The following SH3RF3 variants were observed in gnomAD, a reference collection of about 807,000 sequenced individuals.
SH3RF3 encodes the protein E3 ubiquitin-protein ligase SH3RF3.
A neutral mutation model predicts 66.3 loss-of-function variants in SH3RF3; 29 were observed. The observed-to-expected ratio is 0.44, with a 90% CI of 0.33 to 0.60. SH3RF3 has a LOEUF of 0.60. Among genes scored for constraint, SH3RF3 ranks in the 20% least tolerant of loss-of-function variants. SH3RF3 has a pLI of 0.04. For missense variants in SH3RF3, 1,194 were observed against 1,190.9 expected (o/e 1.00, Z -0.04); for synonymous variants, 583 against 532.0 (o/e 1.10, Z -1.32).
At chr2:109,267,034 T>C (rs1680512821) in intron 1 of SH3RF3, among the ~76,000 whole-genome samples, 1 of 152,046 alleles carries the variant, frequency 6.6e-6, no homozygotes, top group Non-Finnish European at 1.5e-5. Flanking sequence ...CAGACAGAGG[T>C]GGATAAAAGC....
rs115198804 is a variant in SH3RF3, at chr2:109,372,764, A to C, written c.945+1083A>C. Among the ~76,000 whole-genome samples, 250 of 152,238 alleles carry C rather than the reference A, an allele frequency of 1.6e-3. 3 individuals carry two copies. The highest frequency in any genetic ancestry group is 5.9e-3 in the African/African-American group (246 of 41,564). ...CTGGCTAATGAACTGCAGTTTACTC[A>C]GCTCAGTGCTGGGCTCCATGTGTCC... On this transcript the variant is annotated intron_variant, in intron 3 of 9. Transcript: ENST00000309415.
chr2:109,491,251 G>A (rs969123926), intron 9 of SH3RF3, among the ~76,000 whole-genome samples: 3 of 152,298 alleles, frequency 2.0e-5, no homozygotes, highest in East Asian at 1.9e-4. Context: ...TGAGTGGTCT[G>A]TGCCCCCTCA....
intron 1 of SH3RF3, among the ~76,000 whole-genome samples, chr2:109,207,527 A>G (rs963482923): frequency 3.9e-5 from 6 of 152,214 alleles, no homozygotes; most frequent in Non-Finnish European, 7.3e-5. Flanking sequence ...ATGGAATTTC[A>G]TGGTAAAACA....
At chr2:109,351,414 C>G (rs1682834639) in intron 2 of SH3RF3, among the ~76,000 whole-genome samples, 1 of 152,178 alleles carries the variant, frequency 6.6e-6, no homozygotes, top group Non-Finnish European at 1.5e-5. Context: ...ATTGTGGAGC[C>G]TAGGGCTGGG....
At chr2:109,249,759 C>A (rs1680039509) in intron 1 of SH3RF3, among the ~76,000 whole-genome samples, 1 of 151,814 alleles carries the variant, frequency 6.6e-6, no homozygotes, top group Non-Finnish European at 1.5e-5. Context: ...CAGGTTCACG[C>A]CATTCTCCTG....
chr2:109,170,261 TCTC>T (rs1677736042), intron 1 of SH3RF3, among the ~76,000 whole-genome samples: 4 of 55,190 alleles, frequency 7.2e-5, no homozygotes, highest in African/African-American at 2.1e-4. Flanking sequence ...TCTCTTCTCT[TCTC>T]TTCTCTTCTC....
chr2:109,503,535 G>A lies in SH3RF3; in HGVS notation c.*1864G>A, dbSNP rs530176600. 1 of 152,272 alleles carries A rather than the reference G, an allele frequency of 6.6e-6. No individual in the cohort carries two copies. The highest frequency in any genetic ancestry group is 2.4e-5 in the African/African-American group (1 of 41,550). The allele number at this position is 152,272 out of a possible 1,614,324, so 9.4% of individuals were successfully genotyped here. ...CTGGCTTAAACATAGTAACTTCTGT[G>A]TGCCAGGTTAATGACAACCAAAAGC... On this transcript the variant is annotated 3_prime_UTR_variant, in exon 10 of 10. Coordinates refer to ENST00000309415, the MANE Select transcript of SH3RF3 (RefSeq NM_001099289.3).
chr2:109,458,160 C>G (rs1351070832), intron 8 of SH3RF3, among the ~76,000 whole-genome samples: 1 of 152,200 alleles, frequency 6.6e-6, no homozygotes, highest in Non-Finnish European at 1.5e-5. Flanking sequence ...GGTTTTTATT[C>G]ACCTGATAAG....
chr2:109,159,912 A>G (rs1677446590), intron 1 of SH3RF3, among the ~76,000 whole-genome samples: 1 of 152,192 alleles, frequency 6.6e-6, no homozygotes, highest in South Asian at 2.1e-4. Flanking sequence ...AACTGATTCT[A>G]CATTATGGTG....
chr2:109,209,253 G>A (rs1050268363), intron 1 of SH3RF3, among the ~76,000 whole-genome samples: 3 of 152,186 alleles, frequency 2.0e-5, no homozygotes, highest in Non-Finnish European at 4.4e-5. Context: ...AAACTGAGAG[G>A]TCATCACATT....
intron 1 of SH3RF3, among the ~76,000 whole-genome samples, chr2:109,247,374 C>T (rs1289546132): frequency 6.6e-6 from 1 of 152,188 alleles, no homozygotes; most frequent in Non-Finnish European, 1.5e-5. Flanking sequence ...AGTTTACTTC[C>T]TAAGTAACCT....
At chr2:109,251,925 CA>C (rs1444736378) in intron 1 of SH3RF3, among the ~76,000 whole-genome samples, 1 of 152,002 alleles carries the variant, frequency 6.6e-6, no homozygotes, top group Admixed American at 6.6e-5. Flanking sequence ...CTTAAATCGG[CA>C]AAAGTACCCC....
At chr2:109,399,613 A>G (rs1442411550) in intron 4 of SH3RF3, among the ~76,000 whole-genome samples, 2 of 152,198 alleles carry the variant, frequency 1.3e-5, no homozygotes, top group Non-Finnish European at 2.9e-5. Flanking sequence ...ACAAGCAACC[A>G]ATCAGTCAAT....
At chr2:109,419,742 T>A in intron 5 of SH3RF3, 100 bp downstream of exon 5, 1 of 1,126,966 alleles carries the variant, frequency 8.9e-7, no homozygotes, top group Non-Finnish European at 1.3e-6. Flanking sequence ...TTTTCCCATG[T>A]GTTACTAGTT....
At chr2:109,361,153 C>G (rs1170595636) in intron 2 of SH3RF3, among the ~76,000 whole-genome samples, 2 of 152,164 alleles carry the variant, frequency 1.3e-5, no homozygotes, top group Non-Finnish European at 2.9e-5. Flanking sequence ...GTTGAGCCAG[C>G]CTTGCATACC....
At chr2:109,415,763 C>G (rs927521221) in intron 4 of SH3RF3, among the ~76,000 whole-genome samples, 2 of 152,222 alleles carry the variant, frequency 1.3e-5, no homozygotes, top group African/African-American at 4.8e-5. Context: ...CCACCTTAGC[C>G]AGCCTGGGCT....
At position 109,130,103 on chromosome 2, in the gene SH3RF3, C is replaced by A; in HGVS notation, c.563C>A (p.Pro188Gln). 1 of 1,333,670 alleles carries A rather than the reference C, an allele frequency of 7.5e-7. No homozygotes were observed. Among genetic ancestry groups the A allele is most frequent in the South Asian group, 2.0e-5 (1 of 51,180 alleles). The allele number at this position is 1,333,670 out of a possible 1,614,324, so 82.6% of individuals were successfully genotyped here. ...LRELATSRTA[P>Q]AAKNPCLLPY... is the part of the protein sequence containing the mutation. ...GAGCTGGCGACCAGCAGGACCGCGCCGGCGGCAAAGGTGAGTATCTGTCTC... is the reference window on the plus strand; with the variant it reads ...GAGCTGGCGACCAGCAGGACCGCGCAGGCGGCAAAGGTGAGTATCTGTCTC... The change falls in exon 1 of 10, where the codon CCG becomes CAG. Residue 188 changes from proline (P) to glutamine (Q), a missense_variant. Coordinates refer to ENST00000309415, the MANE Select transcript of SH3RF3 (RefSeq NM_001099289.3).
intron 2 of SH3RF3, among the ~76,000 whole-genome samples, chr2:109,361,104 C>G (rs1323249371): frequency 6.6e-6 from 1 of 152,102 alleles, no homozygotes; most frequent in African/African-American, 2.4e-5. Context: ...TCTTCTTTAG[C>G]CTGTGGATAT....
chr2:109,229,950 A>G (rs180764424), intron 1 of SH3RF3, among the ~76,000 whole-genome samples: 1,929 of 150,140 alleles, frequency 0.013, 20 homozygotes, highest in South Asian at 0.024. Context: ...TCAGCCTCCC[A>G]AGTAGCTGGG....
Sources: gnomAD v4.1 joint callset for allele counts (sites outside exome capture counted in the v4.1 genomes callset) on GRCh38, gnomAD v4.1.1 for gene constraint, MANE v1.5 for transcripts, NCBI Gene and HGNC (gene_info 2026-07-23, HGNC 2026-07-21) for gene names.